The following THSD7B variants were observed in gnomAD, a reference collection of about 807,000 sequenced individuals.
The protein encoded by THSD7B is thrombospondin type 1 domain containing 7B.
Under a neutral mutation model 213.6 loss-of-function variants are expected in THSD7B, and 138 were observed. That is an observed-to-expected ratio of 0.65 (90% confidence interval 0.56 to 0.74). THSD7B has a LOEUF of 0.74. Among genes scored for constraint, THSD7B ranks in the 30% least tolerant of loss-of-function variants. The probability of loss-of-function intolerance (pLI) is 0.00; values close to 1 mark genes in which losing one functional copy is unlikely to be tolerated. For synonymous variants in THSD7B, 742 were observed against 687.0 expected (o/e 1.08, Z -1.25); for missense variants, 1,931 against 1,991.5 (o/e 0.97, Z 0.58).
intron 21 of THSD7B, among the ~76,000 whole-genome samples, chr2:137,644,518 G>A (rs1682993997): frequency 6.6e-6 from 1 of 152,120 alleles, no homozygotes; most frequent in Non-Finnish European, 1.5e-5. Flanking sequence ...AGGGAATCAT[G>A]ACAATATCTA....
intron 2 of THSD7B, among the ~76,000 whole-genome samples, chr2:136,913,911 G>C (rs1684308395): frequency 6.6e-6 from 1 of 152,226 alleles, no homozygotes; most frequent in Non-Finnish European, 1.5e-5. Context: ...GTGGGGTACT[G>C]CCTAGTGGAG....
chr2:136,832,175 T>TTG (rs376949671), intron 1 of THSD7B, among the ~76,000 whole-genome samples: 19,637 of 72,866 alleles, frequency 0.27, 1,350 homozygotes, highest in Middle Eastern at 0.4. Flanking sequence ...ATACATCCTA[T>TTG]TGTGTGTGTG....
At chr2:137,312,846 A>G (rs543952764) in intron 12 of THSD7B, among the ~76,000 whole-genome samples, 5 of 151,140 alleles carry the variant, frequency 3.3e-5, no homozygotes, top group Middle Eastern at 3.4e-3. Flanking sequence ...CTGAGTTCTA[A>G]TTTGATTGCA....
chr2:137,658,604 G>T (rs1175666188), intron 24 of THSD7B, among the ~76,000 whole-genome samples: 2 of 152,160 alleles, frequency 1.3e-5, no homozygotes, highest in African/African-American at 2.4e-5. Flanking sequence ...CACCAACACA[G>T]TTGGTAGAAA....
At chr2:137,009,709 GA>G (rs1686188790) in intron 2 of THSD7B, among the ~76,000 whole-genome samples, 1 of 152,104 alleles carries the variant, frequency 6.6e-6, no homozygotes, top group African/African-American at 2.4e-5. Context: ...CAGTATGGGG[GA>G]AACCACTTCC....
chr2:137,529,169 T>C (rs540327997), intron 15 of THSD7B, among the ~76,000 whole-genome samples: 18 of 152,198 alleles, frequency 1.2e-4, no homozygotes, highest in South Asian at 6.2e-4. Flanking sequence ...TTTACGTGAC[T>C]GTTAACTGCC....
At chr2:137,309,196 A>G (rs1683828426) in intron 12 of THSD7B, among the ~76,000 whole-genome samples, 1 of 152,080 alleles carries the variant, frequency 6.6e-6, no homozygotes, top group Non-Finnish European at 1.5e-5. Context: ...ATCAAAATGG[A>G]AAGGAAAACT....
chr2:137,314,038 A>T (rs938560996), intron 12 of THSD7B, among the ~76,000 whole-genome samples: 4 of 151,958 alleles, frequency 2.6e-5, no homozygotes, highest in Admixed American at 6.6e-5. Flanking sequence ...TATTTCCTGA[A>T]TCTGAATGTT....
intron 2 of THSD7B, among the ~76,000 whole-genome samples, chr2:137,033,656 G>A (rs1026855497): frequency 6.6e-6 from 1 of 151,768 alleles, no homozygotes; most frequent in African/African-American, 2.4e-5. Flanking sequence ...TCTGTCCCCA[G>A]ACCTGGAGCG....
intron 1 of THSD7B, among the ~76,000 whole-genome samples, chr2:136,881,093 T>C (rs1240631634): frequency 6.6e-6 from 1 of 152,188 alleles, no homozygotes; most frequent in Non-Finnish European, 1.5e-5. Flanking sequence ...CTGCCTGAGA[T>C]GCCCTTCCCA....
intron 15 of THSD7B, among the ~76,000 whole-genome samples, chr2:137,504,821 GT>G (rs1371312453): frequency 6.6e-6 from 1 of 151,830 alleles, no homozygotes; most frequent in Non-Finnish European, 1.5e-5. Flanking sequence ...AGAGATGTGT[GT>G]TAATCCAGGC....
At chr2:137,638,262 G>A (rs1157678452) in intron 20 of THSD7B, among the ~76,000 whole-genome samples, 1 of 152,202 alleles carries the variant, frequency 6.6e-6, no homozygotes, top group Non-Finnish European at 1.5e-5. Flanking sequence ...GACCCAGGGT[G>A]AGGTAACTGA....
At chr2:136,781,608 G>A (rs1175101856) in intron 1 of THSD7B, among the ~76,000 whole-genome samples, 2 of 151,810 alleles carry the variant, frequency 1.3e-5, no homozygotes, top group Non-Finnish European at 2.9e-5. Flanking sequence ...TTGTCTATAT[G>A]TCCAGCTCCC....
chr2:137,002,243 G>T lies in THSD7B; in HGVS notation c.140-54177G>T, dbSNP rs903184089. Among the ~76,000 whole-genome samples the T allele has an allele frequency of 1.3e-4, 20 of 152,178 alleles. No individual in the cohort carries two copies. The East Asian group carries it at 1.7e-3, about 13-fold the overall frequency. Reference sequence around the variant, plus strand: ...CAAGGATCTTTTACATCTAGAGTATGGGGTATACCTCCTCATGGGTGTTTC... The same window carrying T: ...CAAGGATCTTTTACATCTAGAGTATTGGGTATACCTCCTCATGGGTGTTTC... On this transcript the variant is annotated intron_variant, in intron 2 of 27. Coordinates refer to ENST00000409968, the MANE Select transcript of THSD7B (RefSeq NM_001316349.2).
intron 2 of THSD7B, among the ~76,000 whole-genome samples, chr2:137,046,542 C>T (rs972495355): frequency 5.3e-5 from 8 of 151,892 alleles, no homozygotes; most frequent in Admixed American, 4.6e-4. Context: ...GCAGCCTGGC[C>T]AACATGGCGA....
chr2:137,461,761 G>A (rs373683564), intron 15 of THSD7B, among the ~76,000 whole-genome samples: 2 of 152,048 alleles, frequency 1.3e-5, no homozygotes, highest in East Asian at 3.9e-4. Context: ...ACTTTTCTGA[G>A]CCAGAGACAT....
intron 15 of THSD7B, among the ~76,000 whole-genome samples, chr2:137,556,266 CAA>C (rs1449266305): frequency 6.6e-6 from 1 of 151,980 alleles, no homozygotes; most frequent in Non-Finnish European, 1.5e-5. Context: ...TGAAATGAAG[CAA>C]AAAATGTTAA....
chr2:137,159,803 C>T (rs1679979657), intron 5 of THSD7B, among the ~76,000 whole-genome samples: 1 of 152,198 alleles, frequency 6.6e-6, no homozygotes, highest in Non-Finnish European at 1.5e-5. Context: ...CTAAACACTC[C>T]ACCTGAGGGC....
intron 16 of THSD7B, 113 bp from the exon 17 acceptor site, chr2:137,572,293 C>A (rs1238740466): frequency 2.3e-6 from 3 of 1,296,220 alleles, no homozygotes; most frequent in Non-Finnish European, 3.2e-6. Flanking sequence ...GGTTTCTGTG[C>A]TGGTCTTATG....
Sources: gnomAD v4.1 joint callset for allele counts (sites outside exome capture counted in the v4.1 genomes callset) on GRCh38, gnomAD v4.1.1 for gene constraint, MANE v1.5 for transcripts, NCBI Gene and HGNC (gene_info 2026-07-23, HGNC 2026-07-21) for gene names.